Variants in DNAJC1 observed in about 807,000 individuals in gnomAD.
DNAJC1 encodes dnaJ homolog subfamily C member 1.
Under a neutral mutation model 76.6 loss-of-function variants are expected in DNAJC1, and 58 were observed. That is an observed-to-expected ratio of 0.76 (90% CI 0.61 to 0.94). The LOEUF (loss-of-function observed/expected upper bound fraction) is 0.94, where lower values mean the gene tolerates loss of function less well. Among genes scored for constraint, DNAJC1 ranks in the 40% least tolerant of loss-of-function variants. The probability of loss-of-function intolerance (pLI) is 0.00; values close to 1 mark genes in which losing one functional copy is unlikely to be tolerated. For synonymous variants in DNAJC1, 258 were observed against 267.9 expected (o/e 0.96, Z 0.36); for missense variants, 689 against 677.3 (o/e 1.02, Z -0.19).
intron 7 of DNAJC1, among the ~76,000 whole-genome samples, chr10:21,899,741 G>A (rs1011023211): frequency 3.3e-5 from 5 of 152,162 alleles, no homozygotes; most frequent in East Asian, 1.9e-4. Flanking sequence ...CAAGCAGTCC[G>A]GCTGCCTTTT....
Position 21,782,000 on chromosome 10 carries a change from G to A in DNAJC1, c.1099-15691C>T, listed in dbSNP as rs543916449. On this transcript the variant is annotated intron_variant, in intron 9 of 11. Coordinates refer to ENST00000376980, the MANE Select transcript of DNAJC1 (RefSeq NM_022365.4). ...TGCAAAACACTAGAGAAGCAAGAGC[G>A]AACACATTCAGAAGCTAGCAGAAGG... Among the ~76,000 whole-genome samples, 314 of 151,990 alleles carry A rather than the reference G, an allele frequency of 2.1e-3. 2 individuals carry two copies. Among genetic ancestry groups the A allele is most frequent in the African/African-American group, 7.0e-3 (289 of 41,472 alleles).
At chr10:21,914,195 T>C (rs974398212) in intron 6 of DNAJC1, among the ~76,000 whole-genome samples, 2 of 152,244 alleles carry the variant, frequency 1.3e-5, no homozygotes, top group Non-Finnish European at 2.9e-5. Context: ...ATGTCTGATA[T>C]TAATTTAATA....
chr10:22,002,423 TA>T (rs45604138), intron 1 of DNAJC1, among the ~76,000 whole-genome samples: 15,284 of 152,066 alleles, frequency 0.1, 969 homozygotes, highest in Non-Finnish European at 0.14. Context: ...AAATGGATTT[TA>T]CAAGTTAATG....
At chr10:21,939,164 C>A (rs1203502486) in intron 1 of DNAJC1, among the ~76,000 whole-genome samples, 3 of 152,182 alleles carry the variant, frequency 2.0e-5, no homozygotes, top group African/African-American at 7.2e-5. Context: ...GCTGGGATTA[C>A]AGGAGTGAGC....
intron 7 of DNAJC1, among the ~76,000 whole-genome samples, chr10:21,884,463 A>T (rs1836335383): frequency 6.6e-6 from 1 of 152,186 alleles, no homozygotes; most frequent in African/African-American, 2.4e-5. Context: ...GAGGAAATGT[A>T]TTATTCTATT....
chr10:21,773,924 G>A (rs1023017422), intron 9 of DNAJC1, among the ~76,000 whole-genome samples: 2 of 151,192 alleles, frequency 1.3e-5, no homozygotes, highest in African/African-American at 2.4e-5. Flanking sequence ...GGCGGATCAC[G>A]AGGTCAGGAG....
chr10:21,947,410 G>A (rs1229774667), intron 1 of DNAJC1, among the ~76,000 whole-genome samples: 1 of 152,070 alleles, frequency 6.6e-6, no homozygotes, highest in Non-Finnish European at 1.5e-5. Context: ...CCTTGAGGCA[G>A]CAAGACTAGC....
chr10:21,994,390 C>T (rs139503512), intron 1 of DNAJC1, among the ~76,000 whole-genome samples: 3 of 152,256 alleles, frequency 2.0e-5, no homozygotes, highest in Non-Finnish European at 2.9e-5. Context: ...TACTTCCAAA[C>T]GTGTGATATA....
At chr10:21,960,237 A>C (rs1268805296) in intron 1 of DNAJC1, among the ~76,000 whole-genome samples, 1 of 152,240 alleles carries the variant, frequency 6.6e-6, no homozygotes, top group Non-Finnish European at 1.5e-5. Context: ...TACAATTAAC[A>C]TCTTAAACTT....
At chr10:21,829,618 C>T (rs367748717) in intron 8 of DNAJC1, among the ~76,000 whole-genome samples, 3 of 152,236 alleles carry the variant, frequency 2.0e-5, no homozygotes, top group African/African-American at 7.2e-5. Flanking sequence ...TCCCCAAGTG[C>T]TGGGATTACA....
At chr10:21,867,615 A>G (rs542449851) in intron 8 of DNAJC1, among the ~76,000 whole-genome samples, 1 of 152,270 alleles carries the variant, frequency 6.6e-6, no homozygotes, top group Admixed American at 6.5e-5. Flanking sequence ...TAAGACCCTG[A>G]AAACCCAGGA....
At chr10:21,773,016 G>A (rs981565977) in intron 9 of DNAJC1, among the ~76,000 whole-genome samples, 3 of 152,080 alleles carry the variant, frequency 2.0e-5, no homozygotes, top group South Asian at 2.1e-4. Flanking sequence ...CCTCTGTCCC[G>A]AGAACAGCAC....
chr10:21,819,465 CA>C (rs138163778), intron 8 of DNAJC1, among the ~76,000 whole-genome samples: 5,260 of 151,942 alleles, frequency 0.035, 156 homozygotes, highest in African/African-American at 0.067. Flanking sequence ...CTTTGAAATT[CA>C]AAATTTTAAA....
chr10:21,877,361 A>G (rs1229167547), intron 8 of DNAJC1, among the ~76,000 whole-genome samples: 1 of 151,978 alleles, frequency 6.6e-6, no homozygotes, highest in Non-Finnish European at 1.5e-5. Context: ...TGATTAATAT[A>G]ATTAGTAAGT....
chr10:21,844,861 G>A (rs1181798530), intron 8 of DNAJC1, among the ~76,000 whole-genome samples: 3 of 152,164 alleles, frequency 2.0e-5, no homozygotes, highest in African/African-American at 7.2e-5. Flanking sequence ...AAGAGACCCT[G>A]TCTCTGCAAA....
intron 8 of DNAJC1, among the ~76,000 whole-genome samples, chr10:21,841,937 G>A (rs1229731514): frequency 1.3e-5 from 2 of 152,042 alleles, no homozygotes; most frequent in Non-Finnish European, 2.9e-5. Flanking sequence ...ATGAGTTCAT[G>A]TCCTTTGTAG....
intron 1 of DNAJC1, among the ~76,000 whole-genome samples, chr10:21,999,804 T>C: frequency 6.6e-6 from 1 of 151,710 alleles, no homozygotes; most frequent in Non-Finnish European, 1.5e-5. Context: ...CCCAGATCTC[T>C]TCTCTTCTCT....
intron 3 of DNAJC1, among the ~76,000 whole-genome samples, chr10:21,924,634 T>G (rs937507062): frequency 6.6e-6 from 1 of 152,188 alleles, no homozygotes; most frequent in Admixed American, 6.5e-5. Context: ...CTAAAGAGTT[T>G]AGAGAAGGCT....
intron 1 of DNAJC1, among the ~76,000 whole-genome samples, chr10:21,959,397 G>C (rs1218985767): frequency 2.0e-5 from 3 of 152,072 alleles, no homozygotes; most frequent in Non-Finnish European, 4.4e-5. Flanking sequence ...CAAAGTGCTA[G>C]GAGTACAGGT....
Sources: allele counts gnomAD v4.1 joint callset (sites outside exome capture counted in the v4.1 genomes callset), GRCh38; gene constraint gnomAD v4.1.1; transcripts MANE v1.5; gene names NCBI Gene and HGNC (gene_info 2026-07-23, HGNC 2026-07-21).